The following ZNF704 variants were observed in gnomAD, a reference collection of about 807,000 sequenced individuals.
ZNF704 encodes the protein zinc finger protein 704.
In ZNF704, 10 loss-of-function variants were observed where a neutral mutation model predicts 44.7. That is an observed-to-expected ratio of 0.22 (90% CI 0.14 to 0.38). The LOEUF (loss-of-function observed/expected upper bound fraction) is 0.38, where lower values mean the gene tolerates loss of function less well. Ranked by LOEUF, ZNF704 falls within the 10% of genes least tolerant of loss-of-function variation. The probability of loss-of-function intolerance (pLI) is 1.00; values close to 1 mark genes in which losing one functional copy is unlikely to be tolerated. For missense variants in ZNF704, 390 were observed against 545.5 expected, an observed-to-expected ratio of 0.71 and a Z score of 2.84; for synonymous variants, 211 against 207.6, an observed-to-expected ratio of 1.02 and a Z score of -0.14.
At position 80,874,729 on chromosome 8, in the gene ZNF704, C is replaced by G. The variant is rs1554590040; in HGVS notation, c.-180G>C. ...AGACTTTGAACGTAGAGATTTGCTA[C>G]AAGTCATTTTAATGGACACTGATGT... On this transcript the variant is annotated 5_prime_UTR_variant, in exon 1 of 9. Coordinates refer to ENST00000327835, the MANE Select transcript of ZNF704 (RefSeq NM_001033723.3). This position sits in a 1 kb window ranked among gnomAD's most constrained non-coding sequence, Gnocchi z 4.4. 6.6e-6 allele frequency: 1 copy of G among 152,140 alleles called. No homozygotes were observed. The highest frequency in any genetic ancestry group is 1.5e-5 in the Non-Finnish European group (1 of 68,032). 9.4% of individuals were successfully genotyped at this position (152,140 alleles called of 1,614,324 possible). A position where few individuals can be genotyped will look rare whatever the true frequency, so the allele number is the denominator to read the frequency against.
chr8:80,663,366 CAAA>C (rs113981733), intron 6 of ZNF704, among the ~76,000 whole-genome samples: 15 of 96,480 alleles, frequency 1.6e-4, no homozygotes, highest in African/African-American at 1.3e-4. Flanking sequence ...GACCCTGTCT[CAAA>C]AAAAAAAAAA....
chr8:80,770,964 G>C (rs1383442934), intron 2 of ZNF704, among the ~76,000 whole-genome samples: 1 of 152,052 alleles, frequency 6.6e-6, no homozygotes, highest in Non-Finnish European at 1.5e-5. Context: ...TCCACCATTT[G>C]TTGTGAAAGA....
At chr8:80,715,737 A>G (rs115680273) in intron 2 of ZNF704, among the ~76,000 whole-genome samples, 2,283 of 152,244 alleles carry the variant, frequency 0.015, 80 homozygotes, top group African/African-American at 0.052. Context: ...TGGGGCACTG[A>G]TATTTTGAAA....
chr8:80,649,945 G>A (rs11784391), intron 7 of ZNF704, among the ~76,000 whole-genome samples: 2 of 152,132 alleles, frequency 1.3e-5, no homozygotes, highest in African/African-American at 4.8e-5. Flanking sequence ...CACACGGCCG[G>A]GTACTTCTCT....
intron 2 of ZNF704, among the ~76,000 whole-genome samples, chr8:80,703,309 C>T (rs1203361914): frequency 1.3e-5 from 2 of 152,054 alleles, no homozygotes; most frequent in African/African-American, 4.8e-5. Context: ...TACTCAGCTC[C>T]ATCCTGCTCC....
intron 1 of ZNF704, among the ~76,000 whole-genome samples, chr8:80,871,166 A>G (rs1408010522): frequency 1.3e-5 from 2 of 152,154 alleles, no homozygotes; most frequent in Non-Finnish European, 2.9e-5. Flanking sequence ...CCCTGCCTCT[A>G]CTACTGTCCT....
chr8:80,801,420 A>G (rs1807897442), intron 2 of ZNF704, among the ~76,000 whole-genome samples: 1 of 152,190 alleles, frequency 6.6e-6, no homozygotes, highest in African/African-American at 2.4e-5. Context: ...AATCAGAAGT[A>G]AAAACACTCT....
rs927125028 is a variant in ZNF704 at position 80,772,800 on chromosome 8, T to C, written c.221+48574A>G. On this transcript the variant is annotated intron_variant, in intron 2 of 8. Transcript: ENST00000327835. ...ATTTCTTTCCTTTGTTTGCTTTGTGTTTATTTTGCTTTTCTTTTATTGTAT... is the reference window on the plus strand; with the variant it reads ...ATTTCTTTCCTTTGTTTGCTTTGTGCTTATTTTGCTTTTCTTTTATTGTAT... 2.0e-5 allele frequency among the ~76,000 whole-genome samples: 3 copies of C among 152,158 alleles called. No individual in the cohort carries two copies. The East Asian group carries it at 5.8e-4, about 29-fold the overall frequency.
intron 2 of ZNF704, among the ~76,000 whole-genome samples, chr8:80,700,022 A>G (rs1423544033): frequency 2.0e-5 from 3 of 152,050 alleles, no homozygotes; most frequent in East Asian, 1.9e-4. Context: ...CCCTTAGGAG[A>G]CCATCTCCCT....
rs1818290098 is a variant in ZNF704, at chr8:80,672,060, AG to A, written c.559-1458del. Among the ~76,000 whole-genome samples, 3 of 152,354 alleles carry A rather than the reference AG, an allele frequency of 2.0e-5. No homozygotes were observed. In the South Asian group the frequency reaches 6.2e-4, roughly 32 times the overall value. Reference sequence around the variant, plus strand: ...AATGCAAGTGTATTGAAATACAGCTAGAAAAAAACATTAAATATTTTGTAAC... The same window carrying A: ...AATGCAAGTGTATTGAAATACAGCTAAAAAAAACATTAAATATTTTGTAAC... On this transcript the variant is annotated intron_variant, in intron 4 of 8. Coordinates refer to ENST00000327835, the MANE Select transcript of ZNF704 (RefSeq NM_001033723.3).
In ZNF704 at chr8:80,803,264, G is replaced by C. The variant is rs896727892; in HGVS notation, c.221+18110C>G. On this transcript the variant is annotated intron_variant, in intron 2 of 8. Transcript: ENST00000327835. ...ATCATTAAAATGGTCATACTGCCCAGAGTAATTTCTAGATTCAATCCTGTT... is the reference window on the plus strand; with the variant it reads ...ATCATTAAAATGGTCATACTGCCCACAGTAATTTCTAGATTCAATCCTGTT... 2.6e-5 allele frequency among the ~76,000 whole-genome samples: 4 copies of C among 152,250 alleles called. No homozygotes were observed. The East Asian group carries it at 5.8e-4, about 22-fold the overall frequency.
intron 1 of ZNF704, among the ~76,000 whole-genome samples, chr8:80,856,145 G>C (rs1808957161): frequency 6.6e-6 from 1 of 152,246 alleles, no homozygotes. Flanking sequence ...TTTTTGTAGA[G>C]AAAGGGTCTT....
In ZNF704 at chr8:80,634,880, T is replaced by C. The variant is rs1817641911; in HGVS notation, c.*6486A>G. ...AATAAAAACTTCTTGGGGACTTTAA[T>C]GCTAACAATGGAGACATTCCAAGGA... On this transcript the variant is annotated 3_prime_UTR_variant, in exon 9 of 9. Coordinates refer to ENST00000327835, the MANE Select transcript of ZNF704 (RefSeq NM_001033723.3). 2.0e-5 allele frequency: 3 copies of C among 152,214 alleles called. No individual in the cohort carries two copies. 9.4% of individuals were successfully genotyped at this position (152,214 alleles called of 1,614,324 possible). A position where few individuals can be genotyped will look rare whatever the true frequency, so the allele number is the denominator to read the frequency against.
chr8:80,829,901 T>C (rs1017280136), intron 1 of ZNF704, among the ~76,000 whole-genome samples: 2 of 152,154 alleles, frequency 1.3e-5, no homozygotes, highest in African/African-American at 4.8e-5. Context: ...ACTGTAAAGA[T>C]AAGTAAAATA....
chr8:80,865,074 A>C (rs1289073878), intron 1 of ZNF704, among the ~76,000 whole-genome samples: 3 of 152,210 alleles, frequency 2.0e-5, no homozygotes, highest in Non-Finnish European at 2.9e-5. Flanking sequence ...GAGTCACTTC[A>C]GGAAGCAACT....
intron 2 of ZNF704, among the ~76,000 whole-genome samples, chr8:80,790,144 T>G (rs914682324): frequency 2.6e-5 from 4 of 152,204 alleles, no homozygotes; most frequent in African/African-American, 4.8e-5. Flanking sequence ...TCCTCCGGGT[T>G]AGGGGTATTT....
At chr8:80,815,077 G>GTGTTTCTGA (rs1320169104) in intron 2 of ZNF704, among the ~76,000 whole-genome samples, 1 of 152,166 alleles carries the variant, frequency 6.6e-6, no homozygotes, top group African/African-American at 2.4e-5. Flanking sequence ...AAAGGTCAAT[G>GTGTTTCTGA]TGTTTCTGAA....
chr8:80,697,780 T>C (rs1818748623), intron 2 of ZNF704, among the ~76,000 whole-genome samples: 1 of 152,220 alleles, frequency 6.6e-6, no homozygotes, highest in Non-Finnish European at 1.5e-5. Flanking sequence ...ACTACATCCA[T>C]AGCGTGTGTC....
intron 1 of ZNF704, among the ~76,000 whole-genome samples, chr8:80,835,975 C>T (rs1372062459): frequency 1.3e-5 from 2 of 152,190 alleles, no homozygotes; most frequent in African/African-American, 2.4e-5. Flanking sequence ...CTGTCTCTTA[C>T]CTGGATCTGT....
Sources: gnomAD v4.1 joint callset for allele counts (sites outside exome capture counted in the v4.1 genomes callset) on GRCh38, gnomAD v4.1.1 for gene constraint, Gnocchi (gnomAD v3.1) non-coding constraint, MANE v1.5 for transcripts, NCBI Gene and HGNC (gene_info 2026-07-23, HGNC 2026-07-21) for gene names.